EEFSEC: variants seen among roughly 807,000 people sequenced by gnomAD.
The protein encoded by EEFSEC is selenocysteine-specific elongation factor.
EEFSEC carries 43 observed loss-of-function variants against 42.1 expected under a neutral mutation model. The ratio of observed to expected loss-of-function variants is 1.02; its 90% CI spans 0.80 to 1.32. The LOEUF is 1.32. Among genes scored for constraint, EEFSEC ranks in the 40% most tolerant of loss-of-function variants. The pLI, the probability that EEFSEC is intolerant of heterozygous loss-of-function variation, is 0.00. For missense variants in EEFSEC, 745 were observed against 803.6 expected, an observed-to-expected ratio of 0.93 and a Z score of 0.88; for synonymous variants, 354 against 339.1, an observed-to-expected ratio of 1.04 and a Z score of -0.48.
chr3:128,340,345 A>G (rs774310313), intron 4 of EEFSEC, among the ~76,000 whole-genome samples: 10 of 151,198 alleles, frequency 6.6e-5, no homozygotes, highest in Non-Finnish European at 1.3e-4. Flanking sequence ...TAATATAGTC[A>G]TATAATATTA....
chr3:128,217,469 G>T (rs1469439608), intron 1 of EEFSEC, among the ~76,000 whole-genome samples: 1 of 152,112 alleles, frequency 6.6e-6, no homozygotes, highest in Non-Finnish European at 1.5e-5. Context: ...GGAAAGACAG[G>T]ATCCTGCCTC....
chr3:128,167,656 G>A (rs2065254662), intron 1 of EEFSEC, among the ~76,000 whole-genome samples: 1 of 152,216 alleles, frequency 6.6e-6, no homozygotes, highest in Non-Finnish European at 1.5e-5. Context: ...CCGGGAACAC[G>A]GCGACCTCAG....
chr3:128,169,862 TC>T (rs994778087), intron 1 of EEFSEC, among the ~76,000 whole-genome samples: 27 of 152,204 alleles, frequency 1.8e-4, no homozygotes, highest in African/African-American at 6.5e-4. Flanking sequence ...AGTGCTCCTT[TC>T]CCTGCATAGC....
At chr3:128,308,729 C>G (rs1364699064) in intron 4 of EEFSEC, among the ~76,000 whole-genome samples, 1 of 152,210 alleles carries the variant, frequency 6.6e-6, no homozygotes, top group Non-Finnish European at 1.5e-5. Context: ...TGCCCCTCCT[C>G]ACACCTATGG....
chr3:128,337,558 G>A (rs1213286765), intron 4 of EEFSEC, among the ~76,000 whole-genome samples: 1 of 152,184 alleles, frequency 6.6e-6, no homozygotes, highest in Non-Finnish European at 1.5e-5. Flanking sequence ...TCTCAGCTCG[G>A]TGCTTTGCCA....
chr3:128,417,522 G>GCT, the EEFSEC span, among the ~76,000 whole-genome samples: 1 of 152,080 alleles, frequency 6.6e-6, no homozygotes, highest in African/African-American at 2.4e-5. This position sits in a 1 kb window ranked among gnomAD's most constrained non-coding sequence, Gnocchi z 4.3. Flanking sequence ...TTCTAGCTGG[G>GCT]CTCTCCCACT....
chr3:128,211,982 C>T (rs572792201), intron 1 of EEFSEC, among the ~76,000 whole-genome samples: 2 of 150,198 alleles, frequency 1.3e-5, no homozygotes, highest in Admixed American at 6.7e-5. Context: ...GCCTCAGCCT[C>T]CTCAGTGGCT....
chr3:128,237,690 A>G (rs1576570719), intron 1 of EEFSEC, among the ~76,000 whole-genome samples: 1 of 152,232 alleles, frequency 6.6e-6, no homozygotes, highest in Non-Finnish European at 1.5e-5. Context: ...CGGGGGTCCA[A>G]CACCTCTATT....
intron 6 of EEFSEC, among the ~76,000 whole-genome samples, chr3:128,359,455 A>T (rs916425529): frequency 6.6e-6 from 1 of 152,142 alleles, no homozygotes; most frequent in African/African-American, 2.4e-5. Context: ...ATCAAGGCTC[A>T]CTAAAGCCTT....
At chr3:128,273,668 C>A (rs147752666) in intron 4 of EEFSEC, among the ~76,000 whole-genome samples, 184 of 152,334 alleles carry the variant, frequency 1.2e-3, no homozygotes, top group African/African-American at 4.2e-3. Flanking sequence ...GTGCTGAGAG[C>A]GGCCTGGACC....
In EEFSEC at chr3:128,293,922, A is replaced by G. The variant is rs377134334; in HGVS notation, c.786+29141A>G. On this transcript the variant is annotated intron_variant, in intron 4 of 6. Coordinates refer to ENST00000254730, the MANE Select transcript of EEFSEC (RefSeq NM_021937.5). The stretch of plus-strand genomic sequence containing the variant: ...GTTCTTGGCTTTGTAAATGGTAAAT[A>G]TTTTTAGTGGTAGCAGTACTCAAAG... Among the ~76,000 whole-genome samples the G allele has an allele frequency of 4.6e-5, 7 of 152,314 alleles. No homozygotes were observed. The East Asian group carries it at 9.6e-4, about 21-fold the overall frequency.
At position 128,247,080 on chromosome 3, in the gene EEFSEC, G is replaced by A. The variant is rs149992198; in HGVS notation, c.524+37G>A. 7,464 of 1,604,282 alleles carry A rather than the reference G, an allele frequency of 4.7e-3. 42 individuals carry two copies. The highest frequency in any genetic ancestry group is 0.013 in the Middle Eastern group (77 of 6,038). ...AATGAGAGCAATGTTCACTGCATAA[G>A]AAGGCTTCTGGGGCCTCCCATGTTC... On this transcript the variant is annotated intron_variant, in intron 2 of 6. Coordinates refer to ENST00000254730, the MANE Select transcript of EEFSEC (RefSeq NM_021937.5).
intron 1 of EEFSEC, among the ~76,000 whole-genome samples, chr3:128,209,536 ATC>A (rs1192236929): frequency 6.6e-6 from 1 of 152,226 alleles, no homozygotes; most frequent in East Asian, 1.9e-4. Context: ...CCATCTTCAC[ATC>A]TCTCTTACAG....
chr3:128,365,129 C>T (rs895285580), intron 6 of EEFSEC, among the ~76,000 whole-genome samples: 15 of 152,232 alleles, frequency 9.9e-5, no homozygotes, highest in African/African-American at 3.6e-4. Context: ...CCCATCCCAT[C>T]CTCCTCTGTC....
intron 5 of EEFSEC, 144 bp downstream of exon 5, chr3:128,342,033 T>C: frequency 8.4e-7 from 1 of 1,196,486 alleles, no homozygotes; most frequent in Non-Finnish European, 1.1e-6. Context: ...ACAAGGCATC[T>C]GATGCCCAGA....
rs528122078 is a variant in EEFSEC, at chr3:128,309,200, T to C, written c.787-32033T>C. On this transcript the variant is annotated intron_variant, in intron 4 of 6. Coordinates refer to ENST00000254730, the MANE Select transcript of EEFSEC (RefSeq NM_021937.5). ...TGGAGAGGACCTGAATTCCGGTGGG[T>C]GGCTGTGGAAGTGGAGAGGAAGAGC... is the stretch of plus-strand genomic sequence containing the variant. Among the ~76,000 whole-genome samples, 6 of 152,080 alleles carry C rather than the reference T, an allele frequency of 3.9e-5. No homozygotes were observed. The East Asian group carries it at 1.2e-3, about 29-fold the overall frequency.
At chr3:128,298,484 T>TG (rs2066732878) in intron 4 of EEFSEC, among the ~76,000 whole-genome samples, 1 of 152,210 alleles carries the variant, frequency 6.6e-6, no homozygotes, top group Non-Finnish European at 1.5e-5. Flanking sequence ...TGTACATATT[T>TG]GGGGGCACAT....
In EEFSEC at chr3:128,400,413, G is replaced by T. The variant is rs1256033381; in HGVS notation, c.1601-7656G>T. ...CTGGCTGAATCCAAGGCCCTCTGTG[G>T]CTGTCCAGCCTGGCCATCCCATATA... On this transcript the variant is annotated intron_variant, in intron 6 of 6. Coordinates refer to ENST00000254730, the MANE Select transcript of EEFSEC (RefSeq NM_021937.5). 2.0e-5 allele frequency among the ~76,000 whole-genome samples: 3 copies of T among 152,224 alleles called. No homozygotes were observed. In the East Asian group the frequency reaches 5.8e-4, roughly 29 times the overall value.
intron 4 of EEFSEC, among the ~76,000 whole-genome samples, chr3:128,318,810 G>A (rs564518304): frequency 6.6e-6 from 1 of 151,918 alleles, no homozygotes; most frequent in South Asian, 2.1e-4. Context: ...ATGTGTAGAC[G>A]AGCAGCGGTT....
Sources: allele counts gnomAD v4.1 joint callset (sites outside exome capture counted in the v4.1 genomes callset), GRCh38; gene constraint gnomAD v4.1.1; non-coding constraint Gnocchi (gnomAD v3.1); transcripts MANE v1.5; gene names NCBI Gene and HGNC (gene_info 2026-07-23, HGNC 2026-07-21).